ATP7A: variants seen among roughly 807,000 people sequenced by gnomAD.
The protein encoded by ATP7A is ATPase copper transporting alpha.
ATP7A carries 7 observed loss-of-function variants against 83.5 expected under a neutral mutation model. That is an observed-to-expected ratio of 0.08 (90% CI 0.05 to 0.16). ATP7A has a LOEUF of 0.16. Among genes scored for constraint, ATP7A ranks in the 10% least tolerant of loss-of-function variants. The pLI is 1.00. For missense variants in ATP7A, 940 were observed against 1,120.8 expected, an observed-to-expected ratio of 0.84 and a Z score of 2.30; for synonymous variants, 354 against 395.2, an observed-to-expected ratio of 0.90 and a Z score of 1.24.
chrX:78,001,233 G>A (rs1234089685), intron 5 of ATP7A, among the ~76,000 whole-genome samples: 1 of 111,050 alleles, frequency 9.0e-6, no homozygotes. Context: ...AGCCCAAAAT[G>A]TAAGCACTTT....
chrX:78,003,039 T>C (rs782315116), intron 5 of ATP7A, 34 bp from the exon 6 acceptor site: 5 of 1,157,408 alleles, frequency 4.3e-6, no homozygotes. Flanking sequence ...AAAAAGAATG[T>C]TATCTGTATT....
chrX:77,930,017 G>A (rs2077263172), intron 1 of ATP7A, among the ~76,000 whole-genome samples: 1 of 111,653 alleles, frequency 9.0e-6, no homozygotes, highest in Non-Finnish European at 1.9e-5. Flanking sequence ...ATCAGCAGAG[G>A]GATGAATTTA....
intron 1 of ATP7A, chrX:77,965,429 C>T: frequency 3.1e-6 from 1 of 324,153 alleles, no homozygotes; most frequent in Non-Finnish European, 6.0e-6. Context: ...TTGACATCAT[C>T]AGTAATCAGA....
chrX:78,022,072 A>G (rs1022897856), intron 14 of ATP7A, among the ~76,000 whole-genome samples: 1 of 111,740 alleles, frequency 8.9e-6, no homozygotes, highest in Non-Finnish European at 1.9e-5. Flanking sequence ...ACAGGACTCA[A>G]TCTCATTTTG....
intron 12 of ATP7A, among the ~76,000 whole-genome samples, chrX:78,018,376 T>C (rs782402151): frequency 1.8e-5 from 2 of 110,078 alleles, no homozygotes; most frequent in East Asian, 5.9e-4. Flanking sequence ...TGGTGGAGCA[T>C]GCCTGTAATC....
chrX:78,032,518 G>A (rs1350599023), intron 16 of ATP7A, among the ~76,000 whole-genome samples: 1 of 111,618 alleles, frequency 9.0e-6, no homozygotes, highest in Non-Finnish European at 1.9e-5. Context: ...CAATTTAATA[G>A]GTGAAAAAAT....
At chrX:77,930,257 A>G (rs1188939065) in intron 1 of ATP7A, among the ~76,000 whole-genome samples, 1 of 111,601 alleles carries the variant, frequency 9.0e-6, no homozygotes, top group African/African-American at 3.3e-5. Flanking sequence ...TCAGGAGACC[A>G]GGAGTATAGT....
chrX:77,974,738 C>T (rs2077567620), intron 2 of ATP7A: 2 of 296,317 alleles, frequency 6.7e-6, no homozygotes, highest in East Asian at 9.5e-5. Flanking sequence ...TGGTTTTTCT[C>T]CTTTAGTCTG....
intron 1 of ATP7A, among the ~76,000 whole-genome samples, chrX:77,961,855 T>C (rs1356472084): frequency 9.0e-6 from 1 of 111,237 alleles, no homozygotes; most frequent in African/African-American, 3.3e-5. Flanking sequence ...TAACTGACCT[T>C]ATGTAGGTAT....
chrX:77,966,763 C>T (rs1442924315), intron 1 of ATP7A: 32 of 328,449 alleles, frequency 9.7e-5, no homozygotes, highest in South Asian at 6.8e-4. Context: ...AACTGGATAC[C>T]TTAAAAGGCT....
chrX:77,926,184 G>A (rs1479200802), intron 1 of ATP7A, among the ~76,000 whole-genome samples: 1 of 111,412 alleles, frequency 9.0e-6, no homozygotes, highest in Non-Finnish European at 1.9e-5. Flanking sequence ...AATAACTGAA[G>A]TATACCCTTT....
At chrX:77,975,219 C>A (rs1364902952) in intron 2 of ATP7A, among the ~76,000 whole-genome samples, 2 of 111,257 alleles carry the variant, frequency 1.8e-5, no homozygotes, top group African/African-American at 6.5e-5. Context: ...ATTTCTAAGC[C>A]TTTTGGCCAC....
intron 21 of ATP7A, among the ~76,000 whole-genome samples, chrX:78,045,244 A>G (rs1173917058): frequency 2.7e-5 from 3 of 111,682 alleles, no homozygotes; most frequent in African/African-American, 9.8e-5. Flanking sequence ...ACCCCTAGGT[A>G]TATACCCCAC....
At chrX:78,013,730 T>A (rs1412330325) in intron 10 of ATP7A, among the ~76,000 whole-genome samples, 3 of 111,989 alleles carry the variant, frequency 2.7e-5, no homozygotes, top group Non-Finnish European at 3.8e-5. Context: ...ATTGAGCTAA[T>A]ATCTTAGAAG....
chrX:77,915,720 T>C (rs1603368904), intron 1 of ATP7A, among the ~76,000 whole-genome samples: 1 of 111,892 alleles, frequency 8.9e-6, no homozygotes, highest in East Asian at 2.8e-4. Flanking sequence ...TTTAAATTCT[T>C]TAAAAAAATT....
rs181116878 is a variant in ATP7A at position 77,917,126 on chromosome X, A to T, written c.-22+6291A>T. ...AATAGAACTTAAATATGTGCAAGAA[A>T]ACATTCTAGGTGAGGGGACCAGTTC... On this transcript the variant is annotated intron_variant, in intron 1 of 22. Transcript: ENST00000341514. 2.0e-3 allele frequency among the ~76,000 whole-genome samples: 224 copies of T among 111,783 alleles called. 1 individual carries two copies. The highest frequency in any genetic ancestry group is 3.6e-3 in the Admixed American group (37 of 10,417).
At chrX:77,997,777 C>A (rs2077713772) in intron 4 of ATP7A, among the ~76,000 whole-genome samples, 1 of 110,884 alleles carries the variant, frequency 9.0e-6, no homozygotes, top group Admixed American at 9.7e-5. Context: ...TCTCTGAATA[C>A]TCCATTGTGC....
At chrX:78,010,796 C>G (rs782147033) in intron 7 of ATP7A, among the ~76,000 whole-genome samples, 46 of 108,885 alleles carry the variant, frequency 4.2e-4, no homozygotes, top group African/African-American at 1.2e-3. Context: ...GGCCATACTG[C>G]TCTCGAACTC....
At chrX:77,961,140 A>G in intron 1 of ATP7A, among the ~76,000 whole-genome samples, 1 of 111,850 alleles carries the variant, frequency 8.9e-6, no homozygotes, top group Non-Finnish European at 1.9e-5. Context: ...AGAAATATGT[A>G]TTCAGAATTG....
Sources: allele counts gnomAD v4.1 joint callset (sites outside exome capture counted in the v4.1 genomes callset), GRCh38; gene constraint gnomAD v4.1.1; transcripts MANE v1.5; gene names NCBI Gene and HGNC (gene_info 2026-07-23, HGNC 2026-07-21).